The following COBL variants were observed in gnomAD, a reference collection of about 807,000 sequenced individuals.
COBL encodes protein cordon-bleu.
In COBL, 51 loss-of-function variants were observed where a neutral mutation model predicts 98.8. That is an observed-to-expected ratio of 0.52 (90% confidence interval 0.41 to 0.65). The LOEUF (loss-of-function observed/expected upper bound fraction) is 0.65. Ranked by LOEUF, COBL falls within the 30% of genes least tolerant of loss-of-function variation. The pLI is 0.00. For missense variants in COBL, 1,617 were observed against 1,617.5 expected, an observed-to-expected ratio of 1.00 and a Z score of 0.01; for synonymous variants, 634 against 651.7, an observed-to-expected ratio of 0.97 and a Z score of 0.41.
At position 51,087,819 on chromosome 7, in the gene COBL, T is replaced by G. The variant is rs536116138; in HGVS notation, c.958-2515A>C. 6.8e-5 allele frequency among the ~76,000 whole-genome samples: 10 copies of G among 147,804 alleles called. No homozygotes were observed. In the South Asian group the frequency reaches 2.2e-3, roughly 32 times the overall value. On this transcript the variant is annotated intron_variant, in intron 6 of 12. Transcript: ENST00000265136. ...TTTTTAATTCTCTGCATCTTAGTGG[T>G]TCCCAGTTTCCAGCAACTTTCTGAC...
intron 5 of COBL, among the ~76,000 whole-genome samples, chr7:51,180,213 TGG>T (rs1788800460): frequency 6.6e-5 from 10 of 152,226 alleles, no homozygotes; most frequent in Admixed American, 5.9e-4. Flanking sequence ...ATGACCAGAC[TGG>T]TTTGAAGGGC....
intron 1 of COBL, among the ~76,000 whole-genome samples, chr7:51,266,183 T>C (rs938280339): frequency 6.6e-6 from 1 of 152,240 alleles, no homozygotes; most frequent in African/African-American, 2.4e-5. Flanking sequence ...ATCTTCTGTA[T>C]GGACACTAAA....
chr7:51,144,501 T>C (rs1468072650), intron 5 of COBL, among the ~76,000 whole-genome samples: 2 of 152,222 alleles, frequency 1.3e-5, no homozygotes, highest in Non-Finnish European at 2.9e-5. Context: ...AGATCAAGCA[T>C]TGGCTGTTTT....
In COBL at chr7:51,182,572, G is replaced by A. The variant is rs140290443; in HGVS notation, c.783+1530C>T. Reference sequence around the variant, plus strand: ...GCTGGGATTACAGTTGTGAGCCACCGCGCCCGGCCACAAAATTCTGCTTCT... The same window carrying A: ...GCTGGGATTACAGTTGTGAGCCACCACGCCCGGCCACAAAATTCTGCTTCT... On this transcript the variant is annotated intron_variant, in intron 5 of 12. Coordinates refer to ENST00000265136, the MANE Select transcript of COBL (RefSeq NM_015198.5). Among the ~76,000 whole-genome samples, 31 of 151,520 alleles carry A rather than the reference G, an allele frequency of 2.0e-4. No homozygotes were observed. The East Asian group carries it at 3.6e-3, about 17-fold the overall frequency.
intron 7 of COBL, among the ~76,000 whole-genome samples, chr7:51,081,317 G>A (rs1455650733): frequency 6.6e-6 from 1 of 152,236 alleles, no homozygotes; most frequent in Non-Finnish European, 1.5e-5. Context: ...AGTCCCAGGT[G>A]CCTGTACCTG....
intron 1 of COBL, among the ~76,000 whole-genome samples, chr7:51,306,463 A>G (rs1279571990): frequency 6.6e-6 from 1 of 152,232 alleles, no homozygotes; most frequent in East Asian, 1.9e-4. Flanking sequence ...TTTATTGAAC[A>G]GAGCAGAGCT....
intron 4 of COBL, 72 bp downstream of exon 4, chr7:51,190,778 C>G (rs1790029403): frequency 8.0e-7 from 1 of 1,256,714 alleles, no homozygotes; most frequent in African/African-American, 1.5e-5. Context: ...TGGGGAGAGC[C>G]AACAGGGGAC....
chr7:51,028,790 T>C lies in COBL; in HGVS notation c.2306A>G (p.Glu769Gly), dbSNP rs756743629. ...TTCCACAGAGTTGCACCTCCAGAAC[T>C]CTCTGACTTTCCCAATGGGCTGAGA... ...AESQPIGKVREFWRCNSVEKH... is the reference protein window; with the variant it reads ...AESQPIGKVRGFWRCNSVEKH... Residue 769 changes from glutamate (E) to glycine (G), a missense_variant, in exon 10 of 13, where the codon GAG (glutamate) becomes GGG (glycine). Transcript: ENST00000265136. 1.2e-6 allele frequency: 2 copies of C among 1,614,176 alleles called. No individual in the cohort carries two copies. Among genetic ancestry groups the C allele is most frequent in the South Asian group, 2.2e-5 (2 of 91,088 alleles).
chr7:51,195,614 C>T (rs1213898944), intron 2 of COBL, among the ~76,000 whole-genome samples: 1 of 152,136 alleles, frequency 6.6e-6, no homozygotes, highest in Non-Finnish European at 1.5e-5. Context: ...GCAATATGGC[C>T]ATTTTTAACA....
chr7:51,176,495 TCTTTC>T (rs1281606539), intron 5 of COBL, among the ~76,000 whole-genome samples: 4 of 152,184 alleles, frequency 2.6e-5, no homozygotes, highest in Non-Finnish European at 5.9e-5. Context: ...TGATTGAATC[TCTTTC>T]TTCTTAAACC....
intron 7 of COBL, among the ~76,000 whole-genome samples, chr7:51,068,901 C>T (rs932498998): frequency 6.6e-6 from 1 of 152,132 alleles, no homozygotes; most frequent in Non-Finnish European, 1.5e-5. Flanking sequence ...ATTTATTGAA[C>T]TTAAGTAACT....
At chr7:51,103,589 T>C (rs1433587099) in intron 6 of COBL, among the ~76,000 whole-genome samples, 1 of 151,902 alleles carries the variant, frequency 6.6e-6, no homozygotes, top group African/African-American at 2.4e-5. Context: ...TATGATTTAG[T>C]TTTTTTTACC....
intron 7 of COBL, among the ~76,000 whole-genome samples, chr7:51,045,615 C>T (rs1789614611): frequency 6.6e-6 from 1 of 152,162 alleles, no homozygotes; most frequent in Admixed American, 6.5e-5. Context: ...CAAATGTGTC[C>T]CCACTAGCTG....
intron 1 of COBL, among the ~76,000 whole-genome samples, chr7:51,315,441 G>A (rs1002757431): frequency 6.6e-6 from 1 of 152,324 alleles, no homozygotes; most frequent in East Asian, 1.9e-4. Flanking sequence ...ATGGGCACAT[G>A]GGCAGGGTGA....
chr7:51,187,157 CCAA>C (rs1185253356), intron 4 of COBL, among the ~76,000 whole-genome samples: 1 of 151,912 alleles, frequency 6.6e-6, no homozygotes, highest in Non-Finnish European at 1.5e-5. Context: ...CCCTTAAAGA[CCAA>C]CGAGTCCAAA....
intron 6 of COBL, among the ~76,000 whole-genome samples, chr7:51,087,121 CACACACACACACACACAGAGACAT>C (rs1404955037): frequency 7.7e-6 from 1 of 130,510 alleles, no homozygotes; most frequent in Non-Finnish European, 1.7e-5. Context: ...TACACACAAA[CACACACACACACACACAGAGACAT>C]ACACACACAC....
chr7:51,207,037 A>G (rs1791800270), intron 2 of COBL, among the ~76,000 whole-genome samples: 1 of 152,176 alleles, frequency 6.6e-6, no homozygotes, highest in African/African-American at 2.4e-5. Flanking sequence ...ACACACACAT[A>G]CACACACAAG....
intron 1 of COBL, among the ~76,000 whole-genome samples, chr7:51,270,824 A>G (rs1321748193): frequency 6.7e-6 from 1 of 149,450 alleles, no homozygotes; most frequent in African/African-American, 2.5e-5. Flanking sequence ...ATTCGACTTA[A>G]AAAAAAATCA....
intron 7 of COBL, among the ~76,000 whole-genome samples, chr7:51,054,956 A>C (rs907206824): frequency 6.6e-6 from 1 of 152,330 alleles, no homozygotes; most frequent in African/African-American, 2.4e-5. Context: ...TCCAGGATCC[A>C]AACCTTTCTT....
Sources: allele counts gnomAD v4.1 joint callset (sites outside exome capture counted in the v4.1 genomes callset), GRCh38; gene constraint gnomAD v4.1.1; transcripts MANE v1.5; gene names NCBI Gene and HGNC (gene_info 2026-07-23, HGNC 2026-07-21).